The following ANKS1B variants were observed in gnomAD, a reference collection of about 807,000 sequenced individuals.
ANKS1B encodes the protein ankyrin repeat and sterile alpha motif domain-containing protein 1B.
Under a neutral mutation model 148.3 loss-of-function variants are expected in ANKS1B, and 36 were observed. The ratio of observed to expected loss-of-function variants is 0.24; its 90% CI spans 0.19 to 0.32. ANKS1B has a LOEUF of 0.32. Among genes scored for constraint, ANKS1B ranks in the 10% least tolerant of loss-of-function variants. ANKS1B has a pLI of 1.00. For missense variants in ANKS1B, 1,157 were observed against 1,542.6 expected, an observed-to-expected ratio of 0.75 and a Z score of 4.19; for synonymous variants, 542 against 560.8, an observed-to-expected ratio of 0.97 and a Z score of 0.47.
At chr12:99,071,408 A>C (rs2046230603) in intron 16 of ANKS1B, among the ~76,000 whole-genome samples, 1 of 152,250 alleles carries the variant, frequency 6.6e-6, no homozygotes, top group African/African-American at 2.4e-5. Flanking sequence ...TGCCTTATTC[A>C]AAATGGCGAA....
At chr12:99,635,398 C>A (rs1213789638) in intron 9 of ANKS1B, among the ~76,000 whole-genome samples, 1 of 152,130 alleles carries the variant, frequency 6.6e-6, no homozygotes, top group African/African-American at 2.4e-5. Context: ...ATGGTATATA[C>A]ACACAATGGA....
intron 17 of ANKS1B, among the ~76,000 whole-genome samples, chr12:98,836,743 G>A (rs2099365706): frequency 6.6e-6 from 1 of 152,140 alleles, no homozygotes; most frequent in African/African-American, 2.4e-5. Context: ...TACTGTTTGG[G>A]TTAAAGTTAA....
intron 9 of ANKS1B, among the ~76,000 whole-genome samples, chr12:99,622,840 C>T (rs1223590987): frequency 1.3e-5 from 2 of 151,976 alleles, no homozygotes; most frequent in Admixed American, 6.6e-5. Flanking sequence ...AGTACCAATT[C>T]TACTGAAACT....
chr12:98,744,817 CTTTA>C lies in ANKS1B; in HGVS notation c.*918_*921del. 1.0e-6 allele frequency: 1 copy of C among 978,380 alleles called. No individual in the cohort carries two copies. Among genetic ancestry groups the C allele is most frequent in the Non-Finnish European group, 1.2e-6 (1 of 827,760 alleles). 60.6% of individuals were successfully genotyped at this position (978,380 alleles called of 1,614,324 possible). ...TAGATTTTTTTTTTTTTAACATGTT[CTTTA>C]AAACACTGTGAAGATTAAAAAACAA... On this transcript the variant is annotated 3_prime_UTR_variant, in exon 27 of 27. Transcript: ENST00000683438.
chr12:98,800,400 C>T (rs1451978943), intron 21 of ANKS1B, among the ~76,000 whole-genome samples: 1 of 151,934 alleles, frequency 6.6e-6, no homozygotes, highest in Non-Finnish European at 1.5e-5. Flanking sequence ...GAAGGTTCAG[C>T]CACTTTTTCT....
chr12:99,825,269 A>C, intron 2 of ANKS1B, 40 bp downstream of exon 2: 1 of 1,529,130 alleles, frequency 6.5e-7, no homozygotes, highest in Non-Finnish European at 9.0e-7. Flanking sequence ...ATCACATGTA[A>C]CTAAATACAC....
At chr12:99,327,133 A>G (rs2152238214) in intron 12 of ANKS1B, among the ~76,000 whole-genome samples, 1 of 124,134 alleles carries the variant, frequency 8.1e-6, no homozygotes, top group South Asian at 2.2e-4. Flanking sequence ...TAATTAATAT[A>G]TTAATATACA....
At chr12:99,894,669 A>C (rs148663321) in intron 1 of ANKS1B, among the ~76,000 whole-genome samples, 1 of 142,452 alleles carries the variant, frequency 7.0e-6, no homozygotes, top group Non-Finnish European at 1.6e-5. Flanking sequence ...AATAAATTAC[A>C]TAAGATATTC....
At chr12:99,540,395 A>C (rs2097113492) in intron 9 of ANKS1B, among the ~76,000 whole-genome samples, 1 of 152,192 alleles carries the variant, frequency 6.6e-6, no homozygotes, top group South Asian at 2.1e-4. Flanking sequence ...ATCCTGCAGA[A>C]TAGACCATGC....
intron 15 of ANKS1B, among the ~76,000 whole-genome samples, chr12:99,095,288 G>A (rs554655592): frequency 6.6e-6 from 1 of 152,298 alleles, no homozygotes; most frequent in East Asian, 1.9e-4. Flanking sequence ...GGCTGGATAA[G>A]CTAAAGTTCT....
intron 16 of ANKS1B, among the ~76,000 whole-genome samples, chr12:99,082,435 T>C (rs1004010798): frequency 3.3e-5 from 5 of 152,116 alleles, no homozygotes; most frequent in Non-Finnish European, 7.4e-5. Context: ...GGGACCTTTG[T>C]AGGACAGGAT....
chr12:99,343,080 C>T (rs2090163225), intron 12 of ANKS1B, among the ~76,000 whole-genome samples: 1 of 151,918 alleles, frequency 6.6e-6, no homozygotes, highest in African/African-American at 2.4e-5. Context: ...ATAACTAATA[C>T]CAAATACAAG....
chr12:98,842,719 C>T lies in ANKS1B; in HGVS notation c.2779-10583G>A, dbSNP rs118067258. On this transcript the variant is annotated intron_variant, in intron 17 of 26. Transcript: ENST00000683438. ...AGACCTCTGTTGTCTTGGAATATAC[C>T]ACTTATCAGCTGGATGGAAGGGTGA... Among the ~76,000 whole-genome samples, 192 of 152,234 alleles carry T rather than the reference C, an allele frequency of 1.3e-3. 1 individual carries two copies. In the East Asian group the frequency reaches 0.022, roughly 18 times the overall value.
intron 9 of ANKS1B, among the ~76,000 whole-genome samples, chr12:99,551,286 C>T (rs1336894191): frequency 2.6e-5 from 4 of 152,118 alleles, no homozygotes; most frequent in Non-Finnish European, 5.9e-5. Context: ...TCATACTCAG[C>T]AATATCATAT....
chr12:99,367,182 G>A (rs11109812), intron 12 of ANKS1B, among the ~76,000 whole-genome samples: 126 of 152,170 alleles, frequency 8.3e-4, no homozygotes, highest in Non-Finnish European at 1.6e-3. Flanking sequence ...GGGACCACTA[G>A]TCTGTTCTAA....
chr12:98,844,347 A>G (rs1014838626), intron 17 of ANKS1B, among the ~76,000 whole-genome samples: 9 of 152,168 alleles, frequency 5.9e-5, no homozygotes, highest in Admixed American at 3.9e-4. Context: ...AACTTCATTC[A>G]GTGTTTTGAT....
rs566591471 is a variant in ANKS1B at position 99,948,684 on chromosome 12, C to T, written c.134+35420G>A. Among the ~76,000 whole-genome samples, 114 of 152,140 alleles carry T rather than the reference C, an allele frequency of 7.5e-4. 3 individuals carry two copies. The highest frequency in any genetic ancestry group is 7.1e-4 in the Non-Finnish European group (48 of 68,030). On this transcript the variant is annotated intron_variant, in intron 1 of 26. Coordinates refer to ENST00000683438, the MANE Select transcript of ANKS1B (RefSeq NM_001352186.2). ...AAAAATCAAGTCACTCTATTCTCCT[C>T]CCCAACATCGCACCTCCTTTGCAAT...
chr12:99,121,321 ATG>A (rs57560069), intron 15 of ANKS1B, among the ~76,000 whole-genome samples: 1,501 of 142,784 alleles, frequency 0.011, 19 homozygotes, highest in African/African-American at 0.026. Context: ...GTATGTAGGT[ATG>A]TGTGTGTGTG....
At chr12:98,976,458 G>T (rs1381820156) in intron 17 of ANKS1B, 1 of 152,152 alleles carries the variant, frequency 6.6e-6, no homozygotes, top group African/African-American at 2.4e-5. Context: ...TTTATAATAA[G>T]GTGCTTGTCT....
Sources: gnomAD v4.1 joint callset for allele counts (sites outside exome capture counted in the v4.1 genomes callset) on GRCh38, gnomAD v4.1.1 for gene constraint, MANE v1.5 for transcripts, NCBI Gene and HGNC (gene_info 2026-07-23, HGNC 2026-07-21) for gene names.